The following CSMD3 variants were observed in gnomAD, a reference collection of about 807,000 sequenced individuals.
CSMD3 encodes CUB and sushi domain-containing protein 3.
In CSMD3, 177 loss-of-function variants were observed where a neutral mutation model predicts 435.2. The observed-to-expected ratio is 0.41, with a 90% CI of 0.36 to 0.46. The LOEUF (loss-of-function observed/expected upper bound fraction) is 0.46. Among genes scored for constraint, CSMD3 ranks in the 20% least tolerant of loss-of-function variants. CSMD3 has a pLI of 0.34. For missense variants in CSMD3, 4,265 were observed against 4,504.6 expected (o/e 0.95, Z 1.52); for synonymous variants, 1,656 against 1,520.5 (o/e 1.09, Z -2.07).
chr8:112,844,868 G>C (rs999790483), intron 11 of CSMD3, among the ~76,000 whole-genome samples: 3 of 151,586 alleles, frequency 2.0e-5, no homozygotes, highest in African/African-American at 4.8e-5. Flanking sequence ...GACTGTATTT[G>C]GTTGTATAAA....
intron 1 of CSMD3, among the ~76,000 whole-genome samples, chr8:113,340,372 C>A (rs2094109991): frequency 6.6e-6 from 1 of 152,008 alleles, no homozygotes; most frequent in Non-Finnish European, 1.5e-5. Flanking sequence ...ATTATACACA[C>A]CCAGAAGACA....
At chr8:113,337,568 G>C (rs1238420343) in intron 1 of CSMD3, among the ~76,000 whole-genome samples, 2 of 151,920 alleles carry the variant, frequency 1.3e-5, no homozygotes, top group African/African-American at 4.8e-5. Context: ...TTATGTCTTT[G>C]GTTTAGGTAA....
At chr8:113,263,221 C>T (rs547339557) in intron 3 of CSMD3, among the ~76,000 whole-genome samples, 11 of 151,850 alleles carry the variant, frequency 7.2e-5, no homozygotes, top group African/African-American at 2.7e-4. Flanking sequence ...TGATAAGTGC[C>T]TTCAAAGATG....
At chr8:112,268,087 C>G (rs1817121941) in intron 59 of CSMD3, among the ~76,000 whole-genome samples, 1 of 152,106 alleles carries the variant, frequency 6.6e-6, no homozygotes, top group Non-Finnish European at 1.5e-5. Flanking sequence ...CTTAAATACC[C>G]ATCTCTCTCA....
chr8:113,301,669 A>C (rs771675251), intron 2 of CSMD3, among the ~76,000 whole-genome samples: 42 of 152,120 alleles, frequency 2.8e-4, no homozygotes, highest in Non-Finnish European at 5.0e-4. Flanking sequence ...TTAAAAATAC[A>C]ACTGAAAAGC....
At chr8:112,283,932 G>T (rs1208609322) in intron 58 of CSMD3, among the ~76,000 whole-genome samples, 1 of 151,840 alleles carries the variant, frequency 6.6e-6, no homozygotes, top group Admixed American at 6.6e-5. Context: ...ATAAATGCTT[G>T]TGGTGATGGA....
chr8:112,685,239 A>G (rs2131800684), intron 15 of CSMD3, among the ~76,000 whole-genome samples, 167 bp downstream of exon 15: 1 of 152,266 alleles, frequency 6.6e-6, no homozygotes, highest in African/African-American at 2.4e-5. Flanking sequence ...AGAGAGTAAA[A>G]TGTGATTGGA....
intron 38 of CSMD3, among the ~76,000 whole-genome samples, chr8:112,354,983 T>A (rs563050480): frequency 2.6e-5 from 4 of 152,176 alleles, no homozygotes; most frequent in Non-Finnish European, 5.9e-5. Flanking sequence ...CAAAACAGCA[T>A]GGTACTGGTA....
chr8:112,600,665 T>C (rs1832257115), intron 22 of CSMD3, among the ~76,000 whole-genome samples: 1 of 152,100 alleles, frequency 6.6e-6, no homozygotes, highest in South Asian at 2.1e-4. Flanking sequence ...ATATTTCTTA[T>C]ATCTCATGAT....
In CSMD3 at chr8:113,430,375, T is replaced by G. The variant is rs2094664632; in HGVS notation, c.178+6302A>C. ...AACCCCCGATATTGTCATGTATTTT[T>G]TTTTTTACAGATAATAAAACTGAAG... On this transcript the variant is annotated intron_variant, in intron 1 of 70. Transcript: ENST00000297405. Among the ~76,000 whole-genome samples the G allele has an allele frequency of 2.0e-5, 3 of 152,112 alleles. No individual in the cohort carries two copies. In the South Asian group the frequency reaches 6.2e-4, roughly 32 times the overall value.
intron 28 of CSMD3, among the ~76,000 whole-genome samples, chr8:112,511,572 A>C (rs535188302): frequency 1.5e-4 from 23 of 151,794 alleles, no homozygotes; most frequent in South Asian, 1.2e-3. Flanking sequence ...TTGTATTTTT[A>C]GTAGAGACGG....
chr8:112,976,209 T>C (rs2130936754), intron 6 of CSMD3, 61 bp from the exon 7 acceptor site: 1 of 1,566,020 alleles, frequency 6.4e-7, no homozygotes, highest in South Asian at 1.1e-5. Context: ...TTATTTTTTC[T>C]GATAAATTTA....
intron 1 of CSMD3, among the ~76,000 whole-genome samples, chr8:113,316,256 C>G (rs1198219415): frequency 6.6e-6 from 1 of 152,100 alleles, no homozygotes; most frequent in Non-Finnish European, 1.5e-5. Context: ...TCAGAGTTAT[C>G]AAGCTAATCT....
intron 1 of CSMD3, among the ~76,000 whole-genome samples, chr8:113,389,519 C>T (rs1207942672): frequency 1.3e-5 from 2 of 151,616 alleles, no homozygotes; most frequent in Admixed American, 1.3e-4. Flanking sequence ...CATTTCTATG[C>T]ATATCATTTT....
intron 3 of CSMD3, among the ~76,000 whole-genome samples, chr8:113,181,444 T>A (rs986164197): frequency 6.6e-6 from 1 of 152,016 alleles, no homozygotes; most frequent in African/African-American, 2.4e-5. Context: ...TATGGTTAAA[T>A]ACAAGGTAGA....
intron 12 of CSMD3, among the ~76,000 whole-genome samples, chr8:112,817,030 T>C (rs940369823): frequency 6.6e-6 from 1 of 152,110 alleles, no homozygotes; most frequent in Non-Finnish European, 1.5e-5. Context: ...CAAGCATTTT[T>C]TACCTTCTTT....
intron 3 of CSMD3, among the ~76,000 whole-genome samples, chr8:113,261,567 G>T (rs894569419): frequency 3.3e-5 from 5 of 152,010 alleles, no homozygotes; most frequent in Non-Finnish European, 7.4e-5. Context: ...GCGTGTGTGG[G>T]TGCATGTGTG....
At chr8:113,069,619 G>A (rs1018100531) in intron 5 of CSMD3, among the ~76,000 whole-genome samples, 1 of 152,048 alleles carries the variant, frequency 6.6e-6, no homozygotes, top group African/African-American at 2.4e-5. Flanking sequence ...TAATGGGATG[G>A]TATAATTGCT....
At chr8:112,802,438 T>C (rs2078981078) in intron 12 of CSMD3, among the ~76,000 whole-genome samples, 1 of 152,008 alleles carries the variant, frequency 6.6e-6, no homozygotes, top group African/African-American at 2.4e-5. Flanking sequence ...TGATAGGAAA[T>C]GTTTTATTTT....
Sources: gnomAD v4.1 joint callset for allele counts (sites outside exome capture counted in the v4.1 genomes callset) on GRCh38, gnomAD v4.1.1 for gene constraint, MANE v1.5 for transcripts, NCBI Gene and HGNC (gene_info 2026-07-23, HGNC 2026-07-21) for gene names.